Variants in SCN9A observed in about 807,000 individuals in gnomAD.
SCN9A encodes the protein sodium voltage-gated channel alpha subunit 9.
In SCN9A, 131 loss-of-function variants were observed where a neutral mutation model predicts 187.0. The observed-to-expected ratio is 0.70, with a 90% CI of 0.61 to 0.81. The LOEUF (loss-of-function observed/expected upper bound fraction) is 0.81. Ranked by LOEUF, SCN9A falls within the 30% of genes least tolerant of loss-of-function variation. The pLI is 0.00. For synonymous variants in SCN9A, 809 were observed against 808.6 expected, an observed-to-expected ratio of 1.00 and a Z score of -0.01; for missense variants, 2,252 against 2,396.6, an observed-to-expected ratio of 0.94 and a Z score of 1.26.
chr2:166,278,129 T>C lies in SCN9A; in HGVS notation c.2517+11A>G, dbSNP rs1233263600. On this transcript the variant is annotated intron_variant, in intron 15 of 26. Coordinates refer to ENST00000642356, the MANE Select transcript of SCN9A (RefSeq NM_001365536.1). The stretch of plus-strand genomic sequence containing the variant: ...TTATAGAATATAATGGCAACCTTAG[T>C]TTATGTTTACCAGTCTGAATGATCG... 1.2e-6 allele frequency: 2 copies of C among 1,603,494 alleles called. No individual in the cohort carries two copies. Among genetic ancestry groups the C allele is most frequent in the East Asian group, 2.2e-5 (1 of 44,526 alleles).
rs190363733 is a variant in SCN9A at position 166,299,322 on chromosome 2, G to T, written c.901+3768C>A. On this transcript the variant is annotated intron_variant, in intron 7 of 26. Transcript: ENST00000642356. ...TTTCTGACCTCTTCTTTTCACCCCT[G>T]TATGCACCTTATTCTTACCTTGAAC... Among the ~76,000 whole-genome samples the T allele has an allele frequency of 1.1e-3, 159 of 150,474 alleles. 7 individuals are homozygous for T. In the Middle Eastern group the frequency reaches 0.031, roughly 29 times the overall value.
At chr2:166,206,732 C>T (rs1169392142) in intron 24 of SCN9A, among the ~76,000 whole-genome samples, 1 of 151,896 alleles carries the variant, frequency 6.6e-6, no homozygotes, top group Admixed American at 6.6e-5. Flanking sequence ...TTTAATATAC[C>T]ATTATTCCTT....
intron 1 of SCN9A, among the ~76,000 whole-genome samples, chr2:166,360,233 AAAG>A (rs1193844576): frequency 0.17 from 13,417 of 79,086 alleles, 1,429 homozygotes; most frequent in Non-Finnish European, 0.21. Context: ...AAAAAAAAAA[AAAG>A]AAAAAAAAAA....
At chr2:166,208,325 A>G (rs567562964) in intron 24 of SCN9A, among the ~76,000 whole-genome samples, 65 of 152,322 alleles carry the variant, frequency 4.3e-4, no homozygotes, top group East Asian at 1.2e-3. Flanking sequence ...CCTCATCATT[A>G]TAAGAGTAGT....
intron 8 of SCN9A, 86 bp downstream of exon 8, chr2:166,294,513 A>T (rs1342182442): frequency 1.1e-6 from 1 of 885,970 alleles, no homozygotes; most frequent in African/African-American, 1.7e-5. Context: ...AGCAATATAG[A>T]ATCAAAGACT....
intron 1 of SCN9A, among the ~76,000 whole-genome samples, chr2:166,349,191 CT>C (rs1699974699): frequency 6.6e-6 from 1 of 151,850 alleles, no homozygotes. Context: ...CATAATCACC[CT>C]CCCCCAAGCT....
intron 14 of SCN9A, among the ~76,000 whole-genome samples, chr2:166,280,032 C>T (rs1697407879): frequency 6.6e-6 from 1 of 152,094 alleles, no homozygotes; most frequent in Middle Eastern, 3.4e-3. Context: ...AAGAAAGCAG[C>T]AATGTAATTA....
chr2:166,327,851 G>GATA (rs1314363839), intron 1 of SCN9A, among the ~76,000 whole-genome samples: 1 of 152,122 alleles, frequency 6.6e-6, no homozygotes, highest in African/African-American at 2.4e-5. Flanking sequence ...ACTCTCCCCA[G>GATA]ACCTCTAGCC....
At chr2:166,203,734 T>C (rs10169523) in intron 26 of SCN9A, among the ~76,000 whole-genome samples, 135,322 of 151,916 alleles carry the variant, frequency 0.89, 60,391 homozygotes, top group East Asian at 0.95. Flanking sequence ...TTCCTTCTAA[T>C]AGATAGAAAT....
At chr2:166,320,334 G>A (rs777563631) in intron 1 of SCN9A, among the ~76,000 whole-genome samples, 1 of 152,174 alleles carries the variant, frequency 6.6e-6, no homozygotes, top group Admixed American at 6.5e-5. Context: ...CCAACAAACA[G>A]CTGCTTAAGT....
chr2:166,340,491 T>G (rs72884741), intron 1 of SCN9A, among the ~76,000 whole-genome samples: 14,206 of 139,186 alleles, frequency 0.1, 879 homozygotes, highest in East Asian at 0.18. Context: ...CTTTCTTTTT[T>G]TCTTTCTTTC....
At chr2:166,349,154 CAAAA>C (rs1468579117) in intron 1 of SCN9A, among the ~76,000 whole-genome samples, 1 of 133,556 alleles carries the variant, frequency 7.5e-6, no homozygotes, top group East Asian at 2.2e-4. Flanking sequence ...AACAAACAAA[CAAAA>C]AACTCCTCTC....
intron 1 of SCN9A, among the ~76,000 whole-genome samples, chr2:166,314,695 A>T (rs1172950927): frequency 6.6e-6 from 1 of 152,210 alleles, no homozygotes; most frequent in Admixed American, 6.5e-5. Context: ...AAGAACACAG[A>T]GCCAAAAGGC....
At chr2:166,342,152 G>A (rs73025522) in intron 1 of SCN9A, among the ~76,000 whole-genome samples, 8,234 of 152,118 alleles carry the variant, frequency 0.054, 712 homozygotes, top group African/African-American at 0.19. Flanking sequence ...AGAGAAAAGC[G>A]CACAAACACA....
chr2:166,323,798 A>T (rs1346829968), intron 1 of SCN9A, among the ~76,000 whole-genome samples: 1 of 151,864 alleles, frequency 6.6e-6, no homozygotes, highest in Non-Finnish European at 1.5e-5. Flanking sequence ...TATATATGAA[A>T]GCTATATTTA....
chr2:166,360,293 A>T (rs1416975399), intron 1 of SCN9A, among the ~76,000 whole-genome samples: 7 of 151,892 alleles, frequency 4.6e-5, no homozygotes, highest in Non-Finnish European at 1.0e-4. Flanking sequence ...ACCCTGGGAA[A>T]ACTTAAGATT....
At chr2:166,290,737 C>T (rs1698025718) in intron 9 of SCN9A, among the ~76,000 whole-genome samples, 2 of 152,046 alleles carry the variant, frequency 1.3e-5, no homozygotes, top group South Asian at 4.1e-4. Flanking sequence ...TGTTCATATC[C>T]TTTGCCCACT....
chr2:166,341,290 T>C (rs1277624918), intron 1 of SCN9A, among the ~76,000 whole-genome samples: 1 of 152,234 alleles, frequency 6.6e-6, no homozygotes, highest in African/African-American at 2.4e-5. Flanking sequence ...CATATAGCAA[T>C]GCTCTAAAAT....
intron 6 of SCN9A, 90 bp from the exon 7 acceptor site, chr2:166,303,392 T>C: frequency 2.0e-6 from 2 of 1,020,976 alleles, no homozygotes; most frequent in Non-Finnish European, 2.9e-6. Flanking sequence ...TCATGCATTA[T>C]ATCAAATCAA....
Sources: gnomAD v4.1 joint callset for allele counts (sites outside exome capture counted in the v4.1 genomes callset) on GRCh38, gnomAD v4.1.1 for gene constraint, MANE v1.5 for transcripts, NCBI Gene and HGNC (gene_info 2026-07-23, HGNC 2026-07-21) for gene names.